The following FAM227B variants were observed in gnomAD, a reference collection of about 807,000 sequenced individuals.
The protein encoded by FAM227B is protein FAM227B.
In FAM227B, 88 loss-of-function variants were observed where a neutral mutation model predicts 73.8. That is an observed-to-expected ratio of 1.19 (90% CI 1.00 to 1.42). The LOEUF (loss-of-function observed/expected upper bound fraction) is 1.42. FAM227B is among the 40% of genes most tolerant of loss of function. The probability of loss-of-function intolerance (pLI) is 0.00; values close to 1 mark genes in which losing one functional copy is unlikely to be tolerated. For synonymous variants in FAM227B, 210 were observed against 190.5 expected, an observed-to-expected ratio of 1.10 and a Z score of -0.84; for missense variants, 632 against 590.9, an observed-to-expected ratio of 1.07 and a Z score of -0.72.
chr15:49,464,798 C>G (rs1264770373), intron 11 of FAM227B, among the ~76,000 whole-genome samples: 4 of 152,136 alleles, frequency 2.6e-5, no homozygotes, highest in African/African-American at 4.8e-5. Context: ...GCATCTACAT[C>G]TGGAAGACAG....
intron 9 of FAM227B, among the ~76,000 whole-genome samples, chr15:49,544,396 G>C (rs1295518652): frequency 6.6e-6 from 1 of 152,086 alleles, no homozygotes; most frequent in African/African-American, 2.4e-5. Context: ...TCAGATATAG[G>C]AGCTTTTTGG....
chr15:49,383,612 GC>G (rs2046680634), intron 11 of FAM227B, among the ~76,000 whole-genome samples: 1 of 151,910 alleles, frequency 6.6e-6, no homozygotes, highest in Admixed American at 6.6e-5. Flanking sequence ...CAAAAGTCCT[GC>G]TAGGCAAAAA....
At chr15:49,600,289 A>C (rs900747770) in intron 3 of FAM227B, among the ~76,000 whole-genome samples, 1 of 151,420 alleles carries the variant, frequency 6.6e-6, no homozygotes, top group Admixed American at 6.6e-5. Flanking sequence ...CCTTCAGTCT[A>C]TGTGTGTCCT....
chr15:49,368,794 T>C (rs1030498582), intron 12 of FAM227B, among the ~76,000 whole-genome samples: 43 of 152,210 alleles, frequency 2.8e-4, no homozygotes, highest in African/African-American at 1.0e-3. Context: ...ATTCTAGAAA[T>C]AGACATTTCT....
intron 11 of FAM227B, among the ~76,000 whole-genome samples, chr15:49,396,806 C>T (rs1050847494): frequency 6.6e-6 from 1 of 151,242 alleles, no homozygotes; most frequent in African/African-American, 2.4e-5. Context: ...AGAAGGAAAA[C>T]TAACAAACAG....
chr15:49,548,154 C>CT (rs2072225768), intron 9 of FAM227B, among the ~76,000 whole-genome samples: 1 of 152,108 alleles, frequency 6.6e-6, no homozygotes, highest in Non-Finnish European at 1.5e-5. Flanking sequence ...AGCTCTGAGT[C>CT]TGTTATACAT....
At chr15:49,536,793 G>A (rs1394326666) in intron 10 of FAM227B, among the ~76,000 whole-genome samples, 1 of 151,762 alleles carries the variant, frequency 6.6e-6, no homozygotes, top group African/African-American at 2.4e-5. Flanking sequence ...TTTTGACAAG[G>A]GCACCAAAAG....
intron 11 of FAM227B, among the ~76,000 whole-genome samples, chr15:49,497,541 C>G (rs1354719338): frequency 6.6e-6 from 1 of 152,132 alleles, no homozygotes; most frequent in Non-Finnish European, 1.5e-5. Flanking sequence ...TGACCACTAA[C>G]TGATATAAAA....
chr15:49,443,205 C>T (rs78223029), intron 11 of FAM227B, among the ~76,000 whole-genome samples: 238 of 151,612 alleles, frequency 1.6e-3, no homozygotes, highest in African/African-American at 5.6e-3. Flanking sequence ...CATTTAATTA[C>T]ATAAACTTAG....
At position 49,546,103 on chromosome 15, in the gene FAM227B, C is replaced by T. The variant is rs189834051; in HGVS notation, c.748-4297G>A. On this transcript the variant is annotated intron_variant, in intron 9 of 15. Transcript: ENST00000299338. ...AGGTATATCTCCCAATGCTATCCGT[C>T]CCCCCTCCCCTCACCCCACAACAGG... is the stretch of plus-strand genomic sequence containing the variant. Among the ~76,000 whole-genome samples the T allele has an allele frequency of 1.6e-4, 25 of 152,098 alleles. 1 individual carries two copies. The highest frequency in any genetic ancestry group is 6.8e-3 in the Middle Eastern group (2 of 292).
intron 11 of FAM227B, among the ~76,000 whole-genome samples, chr15:49,477,487 C>T (rs2055452101): frequency 6.6e-6 from 1 of 152,112 alleles, no homozygotes; most frequent in Admixed American, 6.6e-5. Flanking sequence ...TTAAGGTTCC[C>T]CTTGTCTTTT....
intron 3 of FAM227B, among the ~76,000 whole-genome samples, chr15:49,609,523 T>G (rs1284714226): frequency 6.6e-6 from 1 of 151,950 alleles, no homozygotes; most frequent in Non-Finnish European, 1.5e-5. Context: ...ATAACATGAT[T>G]CAATTCTAAA....
chr15:49,595,700 CAT>C (rs2076847221), intron 3 of FAM227B, among the ~76,000 whole-genome samples: 1 of 150,688 alleles, frequency 6.6e-6, no homozygotes, highest in Non-Finnish European at 1.5e-5. Context: ...GGAAAACAAA[CAT>C]GAGGGAATTA....
chr15:49,534,702 C>A (rs1305461123), intron 10 of FAM227B, among the ~76,000 whole-genome samples: 1 of 151,066 alleles, frequency 6.6e-6, no homozygotes. Context: ...ATATGTTAGG[C>A]CACAAAAAAA....
chr15:49,404,528 C>CT (rs1007622598), intron 11 of FAM227B, among the ~76,000 whole-genome samples: 11 of 151,706 alleles, frequency 7.3e-5, no homozygotes, highest in East Asian at 3.9e-4. Flanking sequence ...CCTTCCTTGT[C>CT]TTTTTTTTAT....
chr15:49,374,742 C>T (rs1305301995), intron 11 of FAM227B, among the ~76,000 whole-genome samples: 4 of 152,142 alleles, frequency 2.6e-5, no homozygotes, highest in Non-Finnish European at 1.5e-5. Context: ...CTGGGTTTGA[C>T]CATGTTGGTC....
chr15:49,335,226 C>T (rs887990283), intron 14 of FAM227B, among the ~76,000 whole-genome samples, 193 bp downstream of exon 14: 1 of 152,192 alleles, frequency 6.6e-6, no homozygotes, highest in African/African-American at 2.4e-5. Context: ...TCTTCTGTCC[C>T]TCTCACTTGC....
chr15:49,548,917 C>G (rs764975655), intron 9 of FAM227B, among the ~76,000 whole-genome samples: 1 of 152,084 alleles, frequency 6.6e-6, no homozygotes, highest in Non-Finnish European at 1.5e-5. Context: ...GTCTGGCTAA[C>G]GATTTGTCAA....
intron 3 of FAM227B, among the ~76,000 whole-genome samples, chr15:49,598,044 T>C (rs949667971): frequency 6.6e-6 from 1 of 151,860 alleles, no homozygotes; most frequent in Non-Finnish European, 1.5e-5. Context: ...TATTAGATAT[T>C]CAAAGAAGAA....
Sources: gnomAD v4.1 joint callset for allele counts (sites outside exome capture counted in the v4.1 genomes callset) on GRCh38, gnomAD v4.1.1 for gene constraint, MANE v1.5 for transcripts, NCBI Gene and HGNC (gene_info 2026-07-23, HGNC 2026-07-21) for gene names.